FAT3: variants seen among roughly 807,000 people sequenced by gnomAD.
The protein encoded by FAT3 is FAT atypical cadherin 3.
In FAT3, 95 loss-of-function variants were observed where a neutral mutation model predicts 310.2. That is an observed-to-expected ratio of 0.31 (90% confidence interval 0.26 to 0.36). The LOEUF is 0.36. Among genes scored for constraint, FAT3 ranks in the 10% least tolerant of loss-of-function variants. The pLI is 1.00. For synonymous variants in FAT3, 2,314 were observed against 2,192.9 expected (o/e 1.06, Z -1.54); for missense variants, 5,408 against 5,715.6 (o/e 0.95, Z 1.74).
chr11:92,400,238 A>T (rs1042906738), intron 2 of FAT3: 10 of 152,210 alleles, frequency 6.6e-5, no homozygotes, highest in African/African-American at 1.7e-4. Flanking sequence ...TGATATATTA[A>T]CTTAGTGAGG....
chr11:92,552,959 AAT>A (rs71691008), intron 3 of FAT3, among the ~76,000 whole-genome samples: 55,028 of 146,320 alleles, frequency 0.38, 11,160 homozygotes, highest in Middle Eastern at 0.52. Flanking sequence ...AACAAAAAAA[AAT>A]AAAAGAAAAG....
At chr11:92,862,622 C>CT (rs1210581255) in intron 21 of FAT3, among the ~76,000 whole-genome samples, 1 of 152,180 alleles carries the variant, frequency 6.6e-6, no homozygotes, top group Non-Finnish European at 1.5e-5. Flanking sequence ...AAACAGCCCA[C>CT]TTGGCATGGC....
At chr11:92,636,685 T>G (rs930508663) in intron 3 of FAT3, among the ~76,000 whole-genome samples, 3 of 152,240 alleles carry the variant, frequency 2.0e-5, no homozygotes, top group African/African-American at 7.2e-5. Context: ...GTTTGGAATT[T>G]ACTGAAGACT....
At chr11:92,381,518 CT>C (rs1445035094) in intron 2 of FAT3, among the ~76,000 whole-genome samples, 1 of 151,872 alleles carries the variant, frequency 6.6e-6, no homozygotes, top group African/African-American at 2.4e-5. Flanking sequence ...TTTTTCACCA[CT>C]TTTTTTTCAC....
At chr11:92,757,193 GGATTAC>G (rs1946023340) in intron 4 of FAT3, among the ~76,000 whole-genome samples, 1 of 152,078 alleles carries the variant, frequency 6.6e-6, no homozygotes, top group Non-Finnish European at 1.5e-5. Flanking sequence ...CAAAGTGCCA[GGATTAC>G]AGGCATGAGC....
intron 22 of FAT3, 123 bp from the exon 23 acceptor site, chr11:92,880,608 T>G: frequency 9.0e-7 from 1 of 1,117,046 alleles, no homozygotes. Flanking sequence ...TAACCACCTT[T>G]GGAATTTGGG....
In FAT3 at chr11:92,713,865, G is replaced by A. The variant is rs185233249; in HGVS notation, c.3669+16420G>A. Among the ~76,000 whole-genome samples the A allele has an allele frequency of 2.2e-3, 340 of 152,314 alleles. 2 individuals are homozygous for A. Among genetic ancestry groups the A allele is most frequent in the Admixed American group, 4.4e-3 (68 of 15,302 alleles). On this transcript the variant is annotated intron_variant, in intron 4 of 27. Coordinates refer to ENST00000525166, the MANE Select transcript of FAT3 (RefSeq NM_001367949.2). ...TCAGTTCATAATTTTCTGTTGCAAA[G>A]GGATGAAGTTCTCTTCAGTTTAATG... is the stretch of plus-strand genomic sequence containing the variant.
Position 92,765,066 on chromosome 11 carries a change from C to A in FAT3, c.4172C>A (p.Thr1391Asn). The change falls in exon 6 of 28, where the codon ACC (threonine) becomes AAC (asparagine). Residue 1391 changes from threonine (T) to asparagine (N), a missense_variant. Coordinates refer to ENST00000525166, the MANE Select transcript of FAT3 (RefSeq NM_001367949.2). ...VGVVSVQPAN[T>N]PLWFDIVGGN... ...GTGGTGTCTGTGCAGCCAGCTAACA[C>A]CCCTCTGTGGTTTGACATAGTTGGT... 1 of 1,613,398 alleles carries A rather than the reference C, an allele frequency of 6.2e-7. No homozygotes were observed. Among genetic ancestry groups the A allele is most frequent in the Non-Finnish European group, 8.5e-7 (1 of 1,179,740 alleles).
chr11:92,703,033 T>A (rs2135923496), intron 4 of FAT3, among the ~76,000 whole-genome samples: 1 of 152,356 alleles, frequency 6.6e-6, no homozygotes, highest in African/African-American at 2.4e-5. Context: ...ACTAGATCCA[T>A]AGGAATGTAT....
At chr11:92,677,089 T>G (rs750359372) in intron 3 of FAT3, among the ~76,000 whole-genome samples, 10 of 152,222 alleles carry the variant, frequency 6.6e-5, no homozygotes, top group African/African-American at 1.2e-4. Context: ...GGCGAGATAC[T>G]GGGTCACAGA....
intron 2 of FAT3, among the ~76,000 whole-genome samples, chr11:92,485,258 G>T (rs986595477): frequency 6.6e-6 from 1 of 152,160 alleles, no homozygotes; most frequent in African/African-American, 2.4e-5. Flanking sequence ...TCTGAAAATG[G>T]TGGCACAGTA....
At chr11:92,432,065 T>C (rs1029002427) in intron 2 of FAT3, among the ~76,000 whole-genome samples, 1 of 152,208 alleles carries the variant, frequency 6.6e-6, no homozygotes, top group Non-Finnish European at 1.5e-5. Flanking sequence ...GGGGATGGCA[T>C]TGAATCTATA....
At chr11:92,888,746 C>G (rs1949850286) in intron 25 of FAT3, among the ~76,000 whole-genome samples, 1 of 152,204 alleles carries the variant, frequency 6.6e-6, no homozygotes, top group Non-Finnish European at 1.5e-5. Context: ...AGGTTATCCT[C>G]TATCACTGGC....
rs571473675 is a variant in FAT3 at position 92,574,528 on chromosome 11, C to T, written c.3607+49580C>T. Among the ~76,000 whole-genome samples, 13 of 152,226 alleles carry T rather than the reference C, an allele frequency of 8.5e-5. No individual in the cohort carries two copies. In the South Asian group the frequency reaches 1.9e-3, roughly 22 times the overall value. Reference sequence around the variant, plus strand: ...ATAAAATGGGAAATAATATGAATCACTATGGGAAATGTACTCACCAGTCCC... The same window carrying T: ...ATAAAATGGGAAATAATATGAATCATTATGGGAAATGTACTCACCAGTCCC... On this transcript the variant is annotated intron_variant, in intron 3 of 27. Coordinates refer to ENST00000525166, the MANE Select transcript of FAT3 (RefSeq NM_001367949.2).
intron 2 of FAT3, among the ~76,000 whole-genome samples, chr11:92,487,557 C>T (rs1005295919): frequency 2.0e-5 from 3 of 152,102 alleles, no homozygotes; most frequent in Non-Finnish European, 2.9e-5. Flanking sequence ...TTTTAACTCT[C>T]GCAACAACCC....
At chr11:92,532,662 G>A (rs949860613) in intron 3 of FAT3, among the ~76,000 whole-genome samples, 2 of 152,152 alleles carry the variant, frequency 1.3e-5, no homozygotes, top group African/African-American at 2.4e-5. Context: ...GGCTGGTAAC[G>A]AAATTCTCCT....
Position 92,851,635 on chromosome 11 carries a change from A to G in FAT3, c.11366-5579A>G, listed in dbSNP as rs1174314824. 2.0e-5 allele frequency among the ~76,000 whole-genome samples: 3 copies of G among 152,278 alleles called. No individual in the cohort carries two copies. In the East Asian group the frequency reaches 5.8e-4, roughly 29 times the overall value. On this transcript the variant is annotated intron_variant, in intron 19 of 27. Transcript: ENST00000525166. Reference sequence around the variant, plus strand: ...TAAACACATCTGATCCTGCCCTGACATACCATAAATGGCGTCAGTTGGTTT... The same window carrying G: ...TAAACACATCTGATCCTGCCCTGACGTACCATAAATGGCGTCAGTTGGTTT...
At chr11:92,753,298 A>G (rs1945877837) in intron 4 of FAT3, among the ~76,000 whole-genome samples, 1 of 152,204 alleles carries the variant, frequency 6.6e-6, no homozygotes, top group Admixed American at 6.5e-5. Context: ...CCAGCTACCT[A>G]TGACATCAAT....
Position 92,248,949 on chromosome 11 carries a change from C to A in FAT3, c.-18+23775C>A, listed in dbSNP as rs183938732. 3.9e-4 allele frequency among the ~76,000 whole-genome samples: 60 copies of A among 152,036 alleles called. 1 individual carries two copies. The East Asian group carries it at 9.3e-3, about 24-fold the overall frequency. On this transcript the variant is annotated intron_variant, in intron 1 of 27. Transcript: ENST00000525166. Reference sequence around the variant, plus strand: ...TTAATCTTACAGATAGATTGAGGTTCGGAGAAAGTGAATGGATTACCTACG... The same window carrying A: ...TTAATCTTACAGATAGATTGAGGTTAGGAGAAAGTGAATGGATTACCTACG...
Sources: allele counts gnomAD v4.1 joint callset (sites outside exome capture counted in the v4.1 genomes callset), GRCh38; gene constraint gnomAD v4.1.1; transcripts MANE v1.5; gene names NCBI Gene and HGNC (gene_info 2026-07-23, HGNC 2026-07-21).